Variants in RSRC1 observed in about 807,000 individuals in gnomAD.
The protein encoded by RSRC1 is arginine and serine rich coiled-coil 1, also known as serine/Arginine-related protein 53.
RSRC1 carries 39 observed loss-of-function variants against 49.1 expected under a neutral mutation model. The ratio of observed to expected loss-of-function variants is 0.79; its 90% CI spans 0.61 to 1.04. The LOEUF (loss-of-function observed/expected upper bound fraction) is 1.04, where lower values mean the gene tolerates loss of function less well. RSRC1 is among the 50% of genes least tolerant of loss of function. The pLI is 0.00. For missense variants in RSRC1, 388 were observed against 402.4 expected, an observed-to-expected ratio of 0.96 and a Z score of 0.31; for synonymous variants, 143 against 130.8, an observed-to-expected ratio of 1.09 and a Z score of -0.63.
chr3:158,408,746 G>A (rs1233703885), intron 6 of RSRC1, among the ~76,000 whole-genome samples: 1 of 152,128 alleles, frequency 6.6e-6, no homozygotes, highest in East Asian at 1.9e-4. Flanking sequence ...ATAAGTGGGA[G>A]CCAGGCCAGG....
intron 6 of RSRC1, among the ~76,000 whole-genome samples, chr3:158,399,907 GA>G (rs909290012): frequency 6.6e-6 from 1 of 151,974 alleles, no homozygotes; most frequent in African/African-American, 2.4e-5. Flanking sequence ...TGCTGTTTTT[GA>G]AATTTTAAAA....
intron 6 of RSRC1, among the ~76,000 whole-genome samples, chr3:158,361,301 C>G (rs1731457162): frequency 6.6e-6 from 1 of 152,162 alleles, no homozygotes; most frequent in African/African-American, 2.4e-5. Flanking sequence ...ACCGCTGGCC[C>G]CCAAAGCATG....
intron 7 of RSRC1, among the ~76,000 whole-genome samples, chr3:158,518,091 CGTGCGTGTGT>C (rs1560073577): frequency 2.5e-5 from 2 of 80,894 alleles, no homozygotes; most frequent in African/African-American, 5.5e-5. Context: ...TACGTAAGTG[CGTGCGTGTGT>C]GTGTGTGTGT....
intron 1 of RSRC1, 81 bp downstream of exon 1, chr3:158,110,304 G>C (rs1167629522): frequency 6.6e-6 from 1 of 152,500 alleles, no homozygotes; most frequent in Non-Finnish European, 1.5e-5. Context: ...GAGGCGACGC[G>C]GGGCCTGGCG....
At chr3:158,296,788 GA>G (rs1465251164) in intron 4 of RSRC1, among the ~76,000 whole-genome samples, 1 of 151,976 alleles carries the variant, frequency 6.6e-6, no homozygotes, top group Non-Finnish European at 1.5e-5. Context: ...AAGATTGCCA[GA>G]AGCAGGAAAT....
At chr3:158,425,054 A>T (rs1735328920) in intron 6 of RSRC1, among the ~76,000 whole-genome samples, 1 of 150,924 alleles carries the variant, frequency 6.6e-6, no homozygotes, top group Admixed American at 6.6e-5. Context: ...TAATTTTTTG[A>T]AGGGTTTTTT....
chr3:158,460,958 G>A lies in RSRC1; in HGVS notation c.607G>A (p.Ala203Thr). ...AGCAAAAGCTGATGAAGCATTGAAA[G>A]CCAAAGAAAGAAATGAGGAAGAAGC... Reference protein sequence around the residue: ...AAAKADEALKAKERNEEEAKR... With the variant: ...AAAKADEALKTKERNEEEAKR... The change falls in exon 7 of 10, where the codon GCC (alanine) becomes ACC (threonine). Residue 203 changes from alanine to threonine, a missense_variant. By Grantham distance (58) the Ala-to-Thr change is moderately conservative. Coordinates refer to ENST00000611884, the MANE Select transcript of RSRC1 (RefSeq NM_001271838.2). 1 of 1,598,562 alleles carries A rather than the reference G, an allele frequency of 6.3e-7. No individual in the cohort carries two copies. The highest frequency in any genetic ancestry group is 8.5e-7 in the Non-Finnish European group (1 of 1,170,846).
chr3:158,340,979 G>C (rs1730205355), intron 5 of RSRC1, among the ~76,000 whole-genome samples: 1 of 152,214 alleles, frequency 6.6e-6, no homozygotes, highest in Admixed American at 6.5e-5. Flanking sequence ...TTTTAGCAGA[G>C]AGACTGGTGG....
intron 6 of RSRC1, among the ~76,000 whole-genome samples, chr3:158,387,482 A>C (rs1478739102): frequency 6.6e-6 from 1 of 152,138 alleles, no homozygotes; most frequent in Non-Finnish European, 1.5e-5. Context: ...TTATTAAATA[A>C]AAAAATTAAG....
intron 6 of RSRC1, among the ~76,000 whole-genome samples, chr3:158,448,762 A>T (rs1432910187): frequency 2.0e-5 from 3 of 151,972 alleles, no homozygotes. Flanking sequence ...AACAATAAAA[A>T]GAAAGAGCAC....
At chr3:158,387,022 A>G (rs972987700) in intron 6 of RSRC1, among the ~76,000 whole-genome samples, 4 of 152,042 alleles carry the variant, frequency 2.6e-5, no homozygotes, top group African/African-American at 9.7e-5. Flanking sequence ...ATACTGTGTA[A>G]TATAACCCGA....
At chr3:158,331,044 A>G (rs1015406890) in intron 5 of RSRC1, among the ~76,000 whole-genome samples, 3 of 152,178 alleles carry the variant, frequency 2.0e-5, no homozygotes, top group African/African-American at 2.4e-5. Context: ...TGTAAAACCA[A>G]TTAGATTTCT....
intron 6 of RSRC1, among the ~76,000 whole-genome samples, chr3:158,407,628 G>A (rs897773332): frequency 5.9e-5 from 9 of 151,954 alleles, no homozygotes; most frequent in African/African-American, 2.2e-4. Flanking sequence ...CTGTTTTAAT[G>A]AAGTAAAAAT....
intron 4 of RSRC1, among the ~76,000 whole-genome samples, chr3:158,284,745 T>C (rs28781280): frequency 6.6e-6 from 1 of 151,880 alleles, no homozygotes; most frequent in Non-Finnish European, 1.5e-5. Context: ...GGGTTGTTTG[T>C]TTTTTTCTTG....
intron 4 of RSRC1, among the ~76,000 whole-genome samples, chr3:158,266,196 C>T (rs1035097699): frequency 6.6e-6 from 1 of 151,892 alleles, no homozygotes. Flanking sequence ...CTCTGTAGTC[C>T]ATTTGTTTTC....
chr3:158,266,883 C>T (rs189776041), intron 4 of RSRC1, among the ~76,000 whole-genome samples: 1 of 152,128 alleles, frequency 6.6e-6, no homozygotes. Context: ...CCTGCCTCAG[C>T]GTCCTGAGTA....
rs74629416 is a variant in RSRC1, at chr3:158,227,357, C to T, written c.494+24112C>T. Among the ~76,000 whole-genome samples the T allele has an allele frequency of 4.1e-3, 628 of 151,922 alleles. 9 individuals carry two copies. Among genetic ancestry groups the T allele is most frequent in the African/African-American group, 0.014 (587 of 41,480 alleles). Reference sequence around the variant, plus strand: ...CAAGCTTTTAAAAATTGCTTCTTTCCGCCGATTTTCTTCCTTTGCTTTCTA... The same window carrying T: ...CAAGCTTTTAAAAATTGCTTCTTTCTGCCGATTTTCTTCCTTTGCTTTCTA... On this transcript the variant is annotated intron_variant, in intron 4 of 9. Coordinates refer to ENST00000611884, the MANE Select transcript of RSRC1 (RefSeq NM_001271838.2).
chr3:158,344,235 G>C (rs1303002586), intron 5 of RSRC1, among the ~76,000 whole-genome samples: 1 of 152,100 alleles, frequency 6.6e-6, no homozygotes, highest in African/African-American at 2.4e-5. Context: ...CTTCAGCCTA[G>C]CCGACAGAGC....
chr3:158,151,328 C>CA (rs112446300), intron 3 of RSRC1, among the ~76,000 whole-genome samples: 1 of 152,086 alleles, frequency 6.6e-6, no homozygotes, highest in Admixed American at 6.6e-5. Flanking sequence ...GGGAATTTAG[C>CA]AAGGCCTGTT....
Sources: gnomAD v4.1 joint callset for allele counts (sites outside exome capture counted in the v4.1 genomes callset) on GRCh38, gnomAD v4.1.1 for gene constraint, MANE v1.5 for transcripts, NCBI Gene and HGNC (gene_info 2026-07-23, HGNC 2026-07-21) for gene names.